ADAMTSL1: variants seen among roughly 807,000 people sequenced by gnomAD.
ADAMTSL1 encodes ADAMTS-like protein 1.
Under a neutral mutation model 201.8 loss-of-function variants are expected in ADAMTSL1, and 126 were observed. The ratio of observed to expected loss-of-function variants is 0.62; its 90% confidence interval spans 0.54 to 0.72. ADAMTSL1 has a LOEUF of 0.72. ADAMTSL1 is among the 30% of genes least tolerant of loss of function. The pLI is 0.00. For synonymous variants in ADAMTSL1, 1,121 were observed against 903.4 expected (o/e 1.24, Z -4.32); for missense variants, 2,679 against 2,277.8 (o/e 1.18, Z -3.59).
At chr9:18,705,180 C>T (rs1832160070) in intron 13 of ADAMTSL1, among the ~76,000 whole-genome samples, 1 of 152,216 alleles carries the variant, frequency 6.6e-6, no homozygotes, top group African/African-American at 2.4e-5. Flanking sequence ...CACTTGCTAG[C>T]ATTTAATGCT....
intron 1 of ADAMTSL1, among the ~76,000 whole-genome samples, chr9:17,985,223 T>A (rs79894775): frequency 2.6e-5 from 4 of 152,104 alleles, no homozygotes; most frequent in African/African-American, 4.8e-5. Flanking sequence ...TGATGGTTAA[T>A]AAGAATTTTG....
chr9:18,393,233 C>T (rs1249677971), intron 2 of ADAMTSL1, among the ~76,000 whole-genome samples: 2 of 152,146 alleles, frequency 1.3e-5, no homozygotes, highest in East Asian at 3.9e-4. Context: ...ACACAGTATG[C>T]TGGGGTTTTT....
At chr9:18,583,995 G>A (rs1051880956) in intron 4 of ADAMTSL1, among the ~76,000 whole-genome samples, 6 of 152,210 alleles carry the variant, frequency 3.9e-5, no homozygotes, top group Admixed American at 3.9e-4. Context: ...TGAGACGATG[G>A]ACTGTGGGCT....
At chr9:18,165,100 T>C (rs555958613) in intron 2 of ADAMTSL1, among the ~76,000 whole-genome samples, 3 of 152,028 alleles carry the variant, frequency 2.0e-5, no homozygotes, top group Non-Finnish European at 4.4e-5. Context: ...ATTTTCTATG[T>C]TTGTTTACAG....
chr9:18,799,630 A>C (rs993816402), intron 20 of ADAMTSL1, among the ~76,000 whole-genome samples: 5 of 152,216 alleles, frequency 3.3e-5, no homozygotes, highest in African/African-American at 1.2e-4. Context: ...AAATGAGAAT[A>C]AGATGAGGGC....
At chr9:18,711,104 C>T (rs978244075) in intron 14 of ADAMTSL1, among the ~76,000 whole-genome samples, 3 of 152,152 alleles carry the variant, frequency 2.0e-5, no homozygotes, top group Non-Finnish European at 4.4e-5. Flanking sequence ...AAATGATTTA[C>T]AAAAATTGTT....
intron 23 of ADAMTSL1, among the ~76,000 whole-genome samples, chr9:18,846,308 C>G (rs911777495): frequency 3.3e-5 from 5 of 152,146 alleles, no homozygotes; most frequent in Admixed American, 3.3e-4. Context: ...CTTTTCAGGT[C>G]TCAGCTTGGC....
At chr9:18,372,852 C>A (rs889755756) in intron 2 of ADAMTSL1, among the ~76,000 whole-genome samples, 1 of 152,052 alleles carries the variant, frequency 6.6e-6, no homozygotes, top group Admixed American at 6.6e-5. Flanking sequence ...AAAATAATAA[C>A]CATAGCAAAA....
intron 2 of ADAMTSL1, among the ~76,000 whole-genome samples, chr9:18,216,323 T>C (rs1040824112): frequency 3.3e-5 from 5 of 152,330 alleles, no homozygotes; most frequent in South Asian, 4.1e-4. Flanking sequence ...CATTGTGGTA[T>C]AGTATTTCAT....
At chr9:18,624,861 A>G (rs1222167455) in intron 5 of ADAMTSL1, among the ~76,000 whole-genome samples, 1 of 152,164 alleles carries the variant, frequency 6.6e-6, no homozygotes, top group Admixed American at 6.5e-5. Flanking sequence ...ATAATACACA[A>G]CCTGATGATT....
chr9:18,139,329 T>A (rs1232080848), intron 1 of ADAMTSL1, among the ~76,000 whole-genome samples: 2 of 152,132 alleles, frequency 1.3e-5, no homozygotes. Context: ...TTCTACAAGG[T>A]CTCCTACACC....
At chr9:18,313,837 T>G (rs10117176) in intron 2 of ADAMTSL1, among the ~76,000 whole-genome samples, 4 of 151,730 alleles carry the variant, frequency 2.6e-5, no homozygotes, top group African/African-American at 9.7e-5. Flanking sequence ...AAATGGTAGG[T>G]TTACATTAAA....
intron 1 of ADAMTSL1, among the ~76,000 whole-genome samples, chr9:18,024,389 G>A (rs1820606107): frequency 6.6e-6 from 1 of 151,906 alleles, no homozygotes; most frequent in African/African-American, 2.4e-5. Flanking sequence ...TAACCAATAG[G>A]TAGCTTCTCA....
chr9:18,850,633 C>T (rs994678546), intron 23 of ADAMTSL1, among the ~76,000 whole-genome samples: 2 of 152,192 alleles, frequency 1.3e-5, no homozygotes, highest in Non-Finnish European at 2.9e-5. Context: ...TAAATAAAGG[C>T]TCTTGGCCCT....
intron 23 of ADAMTSL1, among the ~76,000 whole-genome samples, chr9:18,849,180 T>C (rs866210248): frequency 6.6e-6 from 1 of 150,956 alleles, no homozygotes; most frequent in Admixed American, 6.6e-5. Context: ...TGCATAAGTA[T>C]TTTTAAGTGA....
At chr9:18,155,666 C>T (rs1827120747) in intron 1 of ADAMTSL1, among the ~76,000 whole-genome samples, 1 of 152,004 alleles carries the variant, frequency 6.6e-6, no homozygotes, top group South Asian at 2.1e-4. Context: ...TTGGACTCCC[C>T]TTCTGTAGAG....
chr9:17,957,087 C>T (rs531741342), intron 1 of ADAMTSL1, among the ~76,000 whole-genome samples: 12 of 152,040 alleles, frequency 7.9e-5, no homozygotes, highest in South Asian at 2.1e-4. Flanking sequence ...AGAAACGCTC[C>T]GGTATTGTCA....
chr9:18,688,674 A>AT (rs1393356908), intron 13 of ADAMTSL1, among the ~76,000 whole-genome samples: 8 of 62,154 alleles, frequency 1.3e-4, no homozygotes, highest in East Asian at 4.0e-4. Flanking sequence ...AAAAAAAAAA[A>AT]AAAAAAAAAA....
At chr9:18,829,208 C>T (rs963669814) in intron 22 of ADAMTSL1, among the ~76,000 whole-genome samples, 1 of 152,170 alleles carries the variant, frequency 6.6e-6, no homozygotes, top group African/African-American at 2.4e-5. Context: ...ATGACTTCAG[C>T]GCTGATTCCT....
Sources: gnomAD v4.1 joint callset for allele counts (sites outside exome capture counted in the v4.1 genomes callset) on GRCh38, gnomAD v4.1.1 for gene constraint, MANE v1.5 for transcripts, NCBI Gene and HGNC (gene_info 2026-07-23, HGNC 2026-07-21) for gene names.